Variants in VAMP7 observed in about 807,000 individuals in gnomAD.
The protein encoded by VAMP7 is vesicle associated membrane protein 7.
Under a neutral mutation model 29.6 loss-of-function variants are expected in VAMP7, and 14 were observed. The ratio of observed to expected loss-of-function variants is 0.47; its 90% CI spans 0.31 to 0.74. The LOEUF is 0.74. VAMP7 is among the 30% of genes least tolerant of loss of function. The pLI, the probability that VAMP7 is intolerant of heterozygous loss-of-function variation, is 0.05. For synonymous variants in VAMP7, 95 were observed against 88.1 expected, an observed-to-expected ratio of 1.08 and a Z score of -0.44; for missense variants, 223 against 262.4, an observed-to-expected ratio of 0.85 and a Z score of 1.04.
At chrX:155,919,546 A>G (rs991515334) in intron 5 of VAMP7, among the ~76,000 whole-genome samples, 10 of 152,096 alleles carry the variant, frequency 6.6e-5, no homozygotes, top group Non-Finnish European at 1.3e-4. Context: ...TAATTTCTTC[A>G]GCTATAAACA....
At chrX:155,892,315 T>C (rs1248590206) in intron 2 of VAMP7, among the ~76,000 whole-genome samples, 3 of 152,174 alleles carry the variant, frequency 2.0e-5, no homozygotes, top group Non-Finnish European at 4.4e-5. Context: ...ATTTGTACTT[T>C]AATGCTTCTA....
chrX:155,897,538 T>C (rs2066002907), intron 3 of VAMP7, among the ~76,000 whole-genome samples: 1 of 152,186 alleles, frequency 6.6e-6, no homozygotes, highest in African/African-American at 2.4e-5. Context: ...TACACACATA[T>C]ACATGTATAC....
chrX:155,936,363 G>A (rs981101173), intron 6 of VAMP7, among the ~76,000 whole-genome samples: 7 of 152,140 alleles, frequency 4.6e-5, no homozygotes, highest in South Asian at 2.1e-4. Flanking sequence ...CGAGCTTCCC[G>A]GCAGCTTTGT....
chrX:155,892,141 T>G (rs2065932104), intron 2 of VAMP7, among the ~76,000 whole-genome samples: 3 of 152,198 alleles, frequency 2.0e-5, no homozygotes, highest in Admixed American at 2.0e-4. Context: ...AGATGTTATC[T>G]GTCTGCCATG....
rs745470097 is a variant in VAMP7 at position 155,939,688 on chromosome X, G to A, written c.502-13G>A. The A allele has an allele frequency of 1.2e-5, 19 of 1,605,128 alleles. No individual in the cohort carries two copies. The highest frequency in any genetic ancestry group is 3.3e-5 in the Admixed American group (2 of 59,928). On this transcript the variant is annotated splice_polypyrimidine_tract_variant and intron_variant, in intron 6 of 7. Coordinates refer to ENST00000286448, the MANE Select transcript of VAMP7 (RefSeq NM_005638.6). ...CAGTGCCAGGGGTTAAACAATTCTCGCCTCTTTTCTAGTCTGTCACCTTCA... is the reference window on the plus strand; with the variant it reads ...CAGTGCCAGGGGTTAAACAATTCTCACCTCTTTTCTAGTCTGTCACCTTCA...
At chrX:155,886,098 C>G (rs1311426344) in intron 1 of VAMP7, among the ~76,000 whole-genome samples, 1 of 152,046 alleles carries the variant, frequency 6.6e-6, no homozygotes, top group Non-Finnish European at 1.5e-5. Flanking sequence ...CTTCCCTTCT[C>G]TCTCTGGCTT....
chrX:155,939,666 T>C, intron 6 of VAMP7, 35 bp from the exon 7 acceptor site: 1 of 1,466,066 alleles, frequency 6.8e-7, no homozygotes, highest in South Asian at 1.1e-5. Context: ...ATGTAGTCAG[T>C]GCCAGGGGTT....
At chrX:155,918,216 C>G (rs2124343314) in intron 5 of VAMP7, among the ~76,000 whole-genome samples, 1 of 152,274 alleles carries the variant, frequency 6.6e-6, no homozygotes, top group East Asian at 1.9e-4. Flanking sequence ...ATGAGAATTT[C>G]AAGCCAGTGG....
chrX:155,891,369 C>T (rs2065923759), intron 2 of VAMP7, among the ~76,000 whole-genome samples: 1 of 152,088 alleles, frequency 6.6e-6, no homozygotes, highest in Non-Finnish European at 1.5e-5. Flanking sequence ...CTCCAAAGAC[C>T]TATCTAGTCA....
chrX:155,896,832 A>G (rs2065994410), intron 3 of VAMP7, among the ~76,000 whole-genome samples: 2 of 152,186 alleles, frequency 1.3e-5, no homozygotes, highest in African/African-American at 4.8e-5. Context: ...ATTGTATCAC[A>G]GACTCGTCAC....
At chrX:155,886,193 G>A (rs2065863603) in intron 1 of VAMP7, among the ~76,000 whole-genome samples, 1 of 152,004 alleles carries the variant, frequency 6.6e-6, no homozygotes, top group Admixed American at 6.5e-5. Flanking sequence ...CTAATAATTA[G>A]CAGAGCCAGG....
chrX:155,918,894 A>G (rs1472535924), intron 5 of VAMP7, among the ~76,000 whole-genome samples: 3 of 152,130 alleles, frequency 2.0e-5, no homozygotes, highest in Non-Finnish European at 2.9e-5. Context: ...ATTGATTTGC[A>G]TGCATTGAAT....
intron 6 of VAMP7, among the ~76,000 whole-genome samples, chrX:155,928,481 G>A (rs1167897844): frequency 6.6e-6 from 1 of 152,132 alleles, no homozygotes; most frequent in Non-Finnish European, 1.5e-5. Context: ...AGCTTCAGGT[G>A]GCTGCCAGTA....
At chrX:155,918,730 G>A (rs2066349599) in intron 5 of VAMP7, among the ~76,000 whole-genome samples, 1 of 152,178 alleles carries the variant, frequency 6.6e-6, no homozygotes, top group African/African-American at 2.4e-5. Flanking sequence ...ACTGGGAGCT[G>A]CAGACCAGAG....
chrX:155,882,262 G>T (rs1451730395), intron 1 of VAMP7, among the ~76,000 whole-genome samples: 1 of 152,086 alleles, frequency 6.6e-6, no homozygotes, highest in Admixed American at 6.5e-5. Flanking sequence ...TAAGTGCAGG[G>T]GATACAGCTG....
chrX:155,913,896 T>C (rs772167030), intron 5 of VAMP7, among the ~76,000 whole-genome samples: 76 of 152,306 alleles, frequency 5.0e-4, no homozygotes, highest in Non-Finnish European at 8.2e-4. Context: ...GTAGTGTTTT[T>C]CTAATTCTGT....
At chrX:155,881,573 G>C (rs2065802189) in intron 1 of VAMP7, 125 bp downstream of exon 1, 1 of 152,624 alleles carries the variant, frequency 6.6e-6, no homozygotes, top group Non-Finnish European at 1.5e-5. Context: ...GGCTTCTCTG[G>C]TGTCGACAGT....
rs781573636 is a variant in VAMP7, at chrX:155,887,743, A to G, written c.-9-1715A>G. 4.6e-5 allele frequency among the ~76,000 whole-genome samples: 7 copies of G among 152,018 alleles called. No individual in the cohort carries two copies. In the South Asian group the frequency reaches 1.5e-3, roughly 32 times the overall value. On this transcript the variant is annotated intron_variant, in intron 1 of 7. Transcript: ENST00000286448. ...CGGGAGTTCAAGACCAGCCTGGGTG[A>G]CATGGTGAAACCCTGTCTGTACAAA...
At chrX:155,910,700 A>G (rs2066225504) in intron 5 of VAMP7, among the ~76,000 whole-genome samples, 1 of 150,918 alleles carries the variant, frequency 6.6e-6, no homozygotes, top group African/African-American at 2.4e-5. Context: ...CATTTCTATG[A>G]TGTTGAGCAT....
Sources: gnomAD v4.1 joint callset for allele counts (sites outside exome capture counted in the v4.1 genomes callset) on GRCh38, gnomAD v4.1.1 for gene constraint, MANE v1.5 for transcripts, NCBI Gene and HGNC (gene_info 2026-07-23, HGNC 2026-07-21) for gene names.